Variants in TSHR observed in about 807,000 individuals in gnomAD.
TSHR encodes the protein thyroid stimulating hormone receptor, also known as thyrotropin receptor.
TSHR carries 51 observed loss-of-function variants against 64.1 expected under a neutral mutation model. The ratio of observed to expected loss-of-function variants is 0.80; its 90% CI spans 0.64 to 1.01. The LOEUF (loss-of-function observed/expected upper bound fraction) is 1.01. Ranked by LOEUF, TSHR falls within the 50% of genes least tolerant of loss-of-function variation. TSHR has a pLI of 0.00. For missense variants in TSHR, 877 were observed against 942.8 expected (o/e 0.93, Z 0.91); for synonymous variants, 361 against 361.9 (o/e 1.00, Z 0.03).
At chr14:81,086,874 A>T (rs1485585037) in intron 3 of TSHR, among the ~76,000 whole-genome samples, 2 of 152,248 alleles carry the variant, frequency 1.3e-5, no homozygotes, top group African/African-American at 4.8e-5. Context: ...CAGATAAGGC[A>T]AATTTATAAA....
chr14:81,128,070 G>A (rs1222179452), intron 8 of TSHR, among the ~76,000 whole-genome samples: 1 of 152,130 alleles, frequency 6.6e-6, no homozygotes, highest in African/African-American at 2.4e-5. Context: ...GAAAGTATAG[G>A]CTTATAAGAA....
At chr14:81,140,305 C>G (rs980724454) in intron 9 of TSHR, among the ~76,000 whole-genome samples, 1 of 152,136 alleles carries the variant, frequency 6.6e-6, no homozygotes, top group African/African-American at 2.4e-5. Flanking sequence ...TGTCATAGCT[C>G]CCTGGTTACA....
chr14:81,087,816 A>G (rs1888396473), intron 3 of TSHR, 138 bp from the exon 4 acceptor site: 1 of 735,658 alleles, frequency 1.4e-6, no homozygotes, highest in African/African-American at 1.7e-5. Context: ...CCTGGCAGCT[A>G]CAGCCCCTGG....
chr14:81,013,364 G>A (rs1398682692), intron 1 of TSHR: 13 of 152,180 alleles, frequency 8.5e-5, no homozygotes, highest in African/African-American at 2.4e-4. Context: ...ATAGTTTGAA[G>A]TCAGGTAGTG....
At chr14:81,123,141 ATT>A (rs762553743) in intron 8 of TSHR, among the ~76,000 whole-genome samples, 2 of 149,668 alleles carry the variant, frequency 1.3e-5, no homozygotes, top group African/African-American at 5.0e-5. Context: ...AAAAAAAAAA[ATT>A]AACACTTAAT....
At chr14:81,105,198 G>A in intron 7 of TSHR, 1 of 985,346 alleles carries the variant, frequency 1.0e-6, no homozygotes, top group Non-Finnish European at 1.2e-6. Context: ...GAAGAATCAA[G>A]GTAAGTCATG....
intron 1 of TSHR, among the ~76,000 whole-genome samples, chr14:81,040,656 T>C (rs993152678): frequency 8.6e-5 from 13 of 152,044 alleles, no homozygotes; most frequent in African/African-American, 3.1e-4. Flanking sequence ...TTTTGGTCAA[T>C]GATAAATGGG....
intron 1 of TSHR, chr14:81,032,758 C>A (rs1307122433): frequency 4.6e-6 from 2 of 433,612 alleles, no homozygotes; most frequent in African/African-American, 2.1e-5. Context: ...ACCAAGAATT[C>A]CAAATTGGTG....
At chr14:81,014,595 A>G (rs1890087430) in intron 1 of TSHR, among the ~76,000 whole-genome samples, 1 of 152,200 alleles carries the variant, frequency 6.6e-6, no homozygotes. Flanking sequence ...TGTATGGTCA[A>G]TGCTACCAGA....
intron 1 of TSHR, among the ~76,000 whole-genome samples, chr14:81,024,468 C>T (rs1408890077): frequency 2.0e-5 from 3 of 152,132 alleles, no homozygotes; most frequent in East Asian, 1.9e-4. Context: ...AGGATGGTCT[C>T]GATCTCCTGA....
chr14:81,113,351 A>G (rs1304355060), intron 8 of TSHR, among the ~76,000 whole-genome samples: 1 of 152,230 alleles, frequency 6.6e-6, no homozygotes, highest in African/African-American at 2.4e-5. Flanking sequence ...GAATGAGATC[A>G]CTATTTCCTG....
chr14:80,964,873 T>C (rs1382770355), intron 1 of TSHR, among the ~76,000 whole-genome samples: 1 of 152,252 alleles, frequency 6.6e-6, no homozygotes, highest in African/African-American at 2.4e-5. Flanking sequence ...CTTGAGACTG[T>C]CATTTCAACA....
At chr14:81,139,220 G>GT (rs1891579398) in intron 8 of TSHR, among the ~76,000 whole-genome samples, 2 of 152,142 alleles carry the variant, frequency 1.3e-5, no homozygotes, top group Non-Finnish European at 2.9e-5. Flanking sequence ...AGATTTTCAT[G>GT]ATACTGATGT....
At chr14:81,037,551 G>A (rs1884708967) in intron 1 of TSHR, among the ~76,000 whole-genome samples, 1 of 151,988 alleles carries the variant, frequency 6.6e-6, no homozygotes, top group South Asian at 2.1e-4. Flanking sequence ...ATATAGAGTG[G>A]CTGAATGGGT....
intron 1 of TSHR, among the ~76,000 whole-genome samples, chr14:80,981,169 C>G (rs1888148269): frequency 6.6e-6 from 1 of 151,918 alleles, no homozygotes; most frequent in Non-Finnish European, 1.5e-5. Flanking sequence ...GGGAGTTCCA[C>G]AATTGTTTCC....
chr14:80,958,010 G>C (rs1886794536), intron 1 of TSHR: 1 of 152,164 alleles, frequency 6.6e-6, no homozygotes, highest in South Asian at 2.1e-4. Context: ...CTGATAAAAA[G>C]TGTGGGTAAA....
intron 7 of TSHR, among the ~76,000 whole-genome samples, chr14:81,101,271 A>G (rs1182698354): frequency 6.6e-6 from 1 of 152,196 alleles, no homozygotes. Context: ...GGAGATTCTA[A>G]GAACTAGTAA....
intron 7 of TSHR, chr14:81,099,341 TC>T (rs1179847475): frequency 6.6e-6 from 1 of 151,710 alleles, no homozygotes; most frequent in African/African-American, 2.4e-5. Flanking sequence ...GAGACCTGGG[TC>T]CCCTGGTTCA....
At chr14:81,129,736 C>T (rs1312816577) in intron 8 of TSHR, among the ~76,000 whole-genome samples, 1 of 152,210 alleles carries the variant, frequency 6.6e-6, no homozygotes, top group Non-Finnish European at 1.5e-5. Context: ...ACCACATCTA[C>T]CCATCTTCCT....
Sources: gnomAD v4.1 joint callset for allele counts (sites outside exome capture counted in the v4.1 genomes callset) on GRCh38, gnomAD v4.1.1 for gene constraint, MANE v1.5 for transcripts, NCBI Gene and HGNC (gene_info 2026-07-23, HGNC 2026-07-21) for gene names.